SMG6: variants seen among roughly 807,000 people sequenced by gnomAD.
The protein encoded by SMG6 is telomerase-binding protein EST1A.
In SMG6, 66 loss-of-function variants were observed where a neutral mutation model predicts 142.2. The ratio of observed to expected loss-of-function variants is 0.46; its 90% CI spans 0.38 to 0.57. SMG6 has a LOEUF of 0.57. Among genes scored for constraint, SMG6 ranks in the 20% least tolerant of loss-of-function variants. SMG6 has a pLI of 0.00. For missense variants in SMG6, 1,793 were observed against 1,832.0 expected, an observed-to-expected ratio of 0.98 and a Z score of 0.39; for synonymous variants, 779 against 702.4, an observed-to-expected ratio of 1.11 and a Z score of -1.72.
At chr17:2,064,689 C>T (rs1293536885) in intron 18 of SMG6, among the ~76,000 whole-genome samples, 1 of 152,106 alleles carries the variant, frequency 6.6e-6, no homozygotes, top group African/African-American at 2.4e-5. Flanking sequence ...GGGGGCTGCC[C>T]TCAGAGCTGC....
chr17:2,207,337 G>C (rs1391700603), intron 10 of SMG6, among the ~76,000 whole-genome samples: 1 of 151,986 alleles, frequency 6.6e-6, no homozygotes, highest in African/African-American at 2.4e-5. Flanking sequence ...AAAATGATCA[G>C]TTTTATTTCA....
At chr17:2,184,657 C>CAAA (rs150364302) in intron 12 of SMG6, among the ~76,000 whole-genome samples, 4 of 52,778 alleles carry the variant, frequency 7.6e-5, no homozygotes, top group East Asian at 5.7e-4. Context: ...AACTCCGTCT[C>CAAA]AAAAAAAAAA....
At chr17:2,101,568 A>G (rs1293166603) in intron 13 of SMG6, 1 of 152,192 alleles carries the variant, frequency 6.6e-6, no homozygotes, top group Non-Finnish European at 1.5e-5. Context: ...TTCCTCATTC[A>G]AGGTTTACCA....
At chr17:2,265,677 G>A (rs1372426649) in intron 8 of SMG6, among the ~76,000 whole-genome samples, 2 of 152,144 alleles carry the variant, frequency 1.3e-5, no homozygotes, top group African/African-American at 2.4e-5. Flanking sequence ...CGTGAGCCAC[G>A]TACATCTCTG....
chr17:2,110,847 T>C (rs575772790), intron 13 of SMG6, among the ~76,000 whole-genome samples: 1 of 152,186 alleles, frequency 6.6e-6, no homozygotes, highest in South Asian at 2.1e-4. Context: ...ATCAACAAAT[T>C]TGAAGGCCAG....
At chr17:2,229,645 T>C (rs1288522768) in intron 10 of SMG6, among the ~76,000 whole-genome samples, 1 of 152,192 alleles carries the variant, frequency 6.6e-6, no homozygotes, top group African/African-American at 2.4e-5. Flanking sequence ...TCATCATGTA[T>C]TAGAGCATGG....
intron 10 of SMG6, among the ~76,000 whole-genome samples, chr17:2,192,590 A>C (rs1037321010): frequency 1.3e-5 from 2 of 152,182 alleles, no homozygotes; most frequent in Non-Finnish European, 2.9e-5. Flanking sequence ...CTCCCAAAGA[A>C]AGGAAATGAA....
intron 8 of SMG6, among the ~76,000 whole-genome samples, chr17:2,252,406 AT>A (rs1555565713): frequency 1.3e-4 from 20 of 151,398 alleles, no homozygotes; most frequent in East Asian, 7.8e-4. Context: ...CTCAAAAAAA[AT>A]AAAGAAAAGA....
chr17:2,065,239 C>T, intron 17 of SMG6, 85 bp from the exon 18 acceptor site: 1 of 1,257,956 alleles, frequency 7.9e-7, no homozygotes, highest in Non-Finnish European at 1.1e-6. Flanking sequence ...GCCTCGGGGG[C>T]CCTGGGCAGG....
intron 13 of SMG6, among the ~76,000 whole-genome samples, chr17:2,158,679 A>C (rs1483761206): frequency 6.6e-6 from 1 of 152,160 alleles, no homozygotes; most frequent in Admixed American, 6.5e-5. Context: ...GCACTTTGGG[A>C]GGCTAAGGCA....
intron 10 of SMG6, among the ~76,000 whole-genome samples, chr17:2,219,561 A>G (rs1487962536): frequency 6.6e-6 from 1 of 151,816 alleles, no homozygotes; most frequent in East Asian, 1.9e-4. Flanking sequence ...GGCCAAGGTG[A>G]GAGGACTGCT....
At chr17:2,250,192 A>G (rs2151311961) in intron 8 of SMG6, among the ~76,000 whole-genome samples, 1 of 152,330 alleles carries the variant, frequency 6.6e-6, no homozygotes, top group East Asian at 1.9e-4. Context: ...ATTCTGAAAC[A>G]GGCCCAATTT....
At chr17:2,169,215 G>A (rs1325465861) in intron 13 of SMG6, among the ~76,000 whole-genome samples, 1 of 151,926 alleles carries the variant, frequency 6.6e-6, no homozygotes, top group Non-Finnish European at 1.5e-5. Flanking sequence ...GTCCCGCAGA[G>A]GCGGGAGGAT....
chr17:2,191,785 C>T (rs1047978036), intron 10 of SMG6, among the ~76,000 whole-genome samples: 17 of 152,246 alleles, frequency 1.1e-4, no homozygotes, highest in Admixed American at 6.5e-4. Flanking sequence ...GAGACTTTCT[C>T]GTTTTTCTGA....
chr17:2,070,608 G>A (rs1262561039), intron 15 of SMG6, among the ~76,000 whole-genome samples: 1 of 152,202 alleles, frequency 6.6e-6, no homozygotes, highest in African/African-American at 2.4e-5. Context: ...AAATGATGGG[G>A]GTGGCTTCTC....
At chr17:2,265,672 G>A (rs543372034) in intron 8 of SMG6, among the ~76,000 whole-genome samples, 36 of 152,276 alleles carry the variant, frequency 2.4e-4, no homozygotes, top group African/African-American at 8.7e-4. Context: ...GGCTTCGTGA[G>A]CCACGTACAT....
intron 10 of SMG6, among the ~76,000 whole-genome samples, chr17:2,210,271 GTTTTC>G (rs1205175858): frequency 1.5e-4 from 23 of 150,428 alleles, no homozygotes; most frequent in East Asian, 3.9e-4. Context: ...AGGATGAACC[GTTTTC>G]TTTTCTTTTC....
intron 13 of SMG6, among the ~76,000 whole-genome samples, chr17:2,128,843 GAGAAAGAA>G (rs751937689): frequency 6.7e-6 from 1 of 148,744 alleles, no homozygotes; most frequent in Non-Finnish European, 1.5e-5. Context: ...AAGAGAGAGA[GAGAAAGAA>G]AGAAAGAAAG....
chr17:2,236,699 T>TCACA (rs1491238298), intron 9 of SMG6, 62 bp from the exon 10 acceptor site: 29 of 1,460,726 alleles, frequency 2.0e-5, no homozygotes, highest in African/African-American at 1.1e-4. Context: ...TCTCACTCTG[T>TCACA]CTCACACACA....
Sources: allele counts gnomAD v4.1 joint callset (sites outside exome capture counted in the v4.1 genomes callset), GRCh38; gene constraint gnomAD v4.1.1; transcripts MANE v1.5; gene names NCBI Gene and HGNC (gene_info 2026-07-23, HGNC 2026-07-21).